Variants in ROBO2 observed in about 807,000 individuals in gnomAD.
ROBO2 encodes roundabout guidance receptor 2, also known as roundabout homolog 2.
ROBO2 carries 53 observed loss-of-function variants against 160.8 expected under a neutral mutation model. That is an observed-to-expected ratio of 0.33 (90% CI 0.26 to 0.41). The LOEUF (loss-of-function observed/expected upper bound fraction) is 0.41, where lower values mean the gene tolerates loss of function less well. Ranked by LOEUF, ROBO2 falls within the 10% of genes least tolerant of loss-of-function variation. The pLI is 1.00. For missense variants in ROBO2, 1,577 were observed against 1,722.4 expected (o/e 0.92, Z 1.49); for synonymous variants, 664 against 611.7 (o/e 1.09, Z -1.26).
At position 77,189,282 on chromosome 3, in the gene ROBO2, A is replaced by C. The variant is rs554789389; in HGVS notation, c.388+90942A>C. Among the ~76,000 whole-genome samples, 3 of 151,998 alleles carry C rather than the reference A, an allele frequency of 2.0e-5. No homozygotes were observed. In the South Asian group the frequency reaches 6.2e-4, roughly 31 times the overall value. On this transcript the variant is annotated intron_variant, in intron 2 of 25. Transcript: ENST00000461745. ...GTATGATAGGGTTAACATGTGGAAC[A>C]TCTTGAAGATTATATGGAAACTGAA... is the stretch of plus-strand genomic sequence containing the variant.
intron 2 of ROBO2, among the ~76,000 whole-genome samples, chr3:76,063,044 C>T (rs1243477598): frequency 2.6e-5 from 4 of 152,126 alleles, no homozygotes; most frequent in South Asian, 4.1e-4. Flanking sequence ...TTATTAGATT[C>T]ATTCATTCTA....
At chr3:77,504,988 C>A (rs1444070532) in intron 5 of ROBO2, among the ~76,000 whole-genome samples, 2 of 152,130 alleles carry the variant, frequency 1.3e-5, no homozygotes, top group African/African-American at 4.8e-5. Context: ...CTTTGGAAAG[C>A]GTGGGCCAAC....
intron 2 of ROBO2, among the ~76,000 whole-genome samples, chr3:77,190,413 C>T (rs370637307): frequency 3.1e-4 from 47 of 152,032 alleles, no homozygotes; most frequent in African/African-American, 9.1e-4. Flanking sequence ...TCAAAATAAA[C>T]GATATTGTCT....
intron 5 of ROBO2, among the ~76,000 whole-genome samples, chr3:77,499,651 C>CT (rs548250821): frequency 0.025 from 3,350 of 135,836 alleles, 92 homozygotes; most frequent in African/African-American, 0.062. Flanking sequence ...ATCACTTACG[C>CT]TTTTTTTTTT....
chr3:76,256,339 CTCTCTCTCTCTCTCACAT>C (rs1706372951), intron 2 of ROBO2, among the ~76,000 whole-genome samples: 1 of 96,002 alleles, frequency 1.0e-5, no homozygotes, highest in East Asian at 2.6e-4. Context: ...CTCTCTCTCT[CTCTCTCTCTCTCTCACAT>C]ACACACACAC....
chr3:76,671,677 A>G (rs2106666340), intron 2 of ROBO2, among the ~76,000 whole-genome samples: 1 of 152,284 alleles, frequency 6.6e-6, no homozygotes, highest in South Asian at 2.1e-4. Flanking sequence ...TGAGAATATT[A>G]AAACATAAGT....
intron 2 of ROBO2, among the ~76,000 whole-genome samples, chr3:76,091,731 AAT>A (rs2069244840): frequency 6.6e-6 from 1 of 152,196 alleles, no homozygotes; most frequent in Non-Finnish European, 1.5e-5. Context: ...CAGGCAATGG[AAT>A]ATTACTCGAT....
intron 2 of ROBO2, among the ~76,000 whole-genome samples, chr3:76,405,822 G>T (rs889514597): frequency 1.3e-5 from 2 of 151,628 alleles, no homozygotes; most frequent in African/African-American, 4.8e-5. Flanking sequence ...TCCTTGCTTT[G>T]CCAGGTGGTG....
chr3:77,246,074 A>T (rs2089684686), intron 2 of ROBO2, among the ~76,000 whole-genome samples: 1 of 152,226 alleles, frequency 6.6e-6, no homozygotes, highest in South Asian at 2.1e-4. Flanking sequence ...TAAACATAGT[A>T]ATTTTTATGT....
intron 24 of ROBO2, among the ~76,000 whole-genome samples, chr3:77,635,470 T>C (rs773878041): frequency 6.6e-6 from 1 of 152,170 alleles, no homozygotes; most frequent in Non-Finnish European, 1.5e-5. Context: ...TAGTCACAAA[T>C]TTCAGAGCCA....
chr3:77,447,113 C>A (rs944339155), intron 2 of ROBO2, among the ~76,000 whole-genome samples: 1 of 152,064 alleles, frequency 6.6e-6, no homozygotes, highest in Non-Finnish European at 1.5e-5. Flanking sequence ...TAACCCATTG[C>A]TAGCTGAGGG....
At chr3:76,964,525 A>G (rs966507246) in intron 2 of ROBO2, among the ~76,000 whole-genome samples, 1 of 152,070 alleles carries the variant, frequency 6.6e-6, no homozygotes, top group African/African-American at 2.4e-5. Context: ...TGTAGTTTTT[A>G]GTAGAGACAG....
At chr3:77,198,346 T>C (rs2082498162) in intron 2 of ROBO2, among the ~76,000 whole-genome samples, 2 of 152,166 alleles carry the variant, frequency 1.3e-5, no homozygotes, top group Non-Finnish European at 2.9e-5. Flanking sequence ...CTCAGTCTTA[T>C]AAAGACCTAG....
intron 2 of ROBO2, among the ~76,000 whole-genome samples, chr3:76,894,166 A>G (rs944725723): frequency 7.9e-5 from 12 of 152,112 alleles, no homozygotes; most frequent in Non-Finnish European, 1.3e-4. Context: ...GCTTCACTAA[A>G]CCTATTACCA....
intron 2 of ROBO2, among the ~76,000 whole-genome samples, chr3:76,178,483 T>C (rs1205107594): frequency 1.3e-5 from 2 of 152,184 alleles, no homozygotes; most frequent in East Asian, 1.9e-4. Context: ...TTATACATTA[T>C]TGTTCATCTT....
At chr3:76,354,714 T>C (rs1036212603) in intron 2 of ROBO2, among the ~76,000 whole-genome samples, 1 of 151,790 alleles carries the variant, frequency 6.6e-6, no homozygotes, top group Non-Finnish European at 1.5e-5. Context: ...AGAGAGGTTT[T>C]GGGAAACGTA....
intron 2 of ROBO2, among the ~76,000 whole-genome samples, chr3:76,084,916 C>T (rs555750786): frequency 4.6e-5 from 7 of 152,038 alleles, no homozygotes; most frequent in South Asian, 4.2e-4. Flanking sequence ...AAATGAAACA[C>T]GTAAAGATTC....
chr3:77,644,994 T>C, intron 25 of ROBO2, 90 bp downstream of exon 27: 1 of 1,328,028 alleles, frequency 7.5e-7, no homozygotes, highest in Middle Eastern at 1.8e-4. Flanking sequence ...TTCAGATTAA[T>C]AGAAAACTTG....
intron 2 of ROBO2, among the ~76,000 whole-genome samples, chr3:77,139,861 A>G (rs534279657): frequency 6.6e-6 from 1 of 152,212 alleles, no homozygotes; most frequent in African/African-American, 2.4e-5. Flanking sequence ...TCATTTTCCC[A>G]TCAAGGCAAA....
Sources: gnomAD v4.1 joint callset for allele counts (sites outside exome capture counted in the v4.1 genomes callset) on GRCh38, gnomAD v4.1.1 for gene constraint, MANE v1.5 for transcripts, NCBI Gene and HGNC (gene_info 2026-07-23, HGNC 2026-07-21) for gene names.